The following MED27 variants were observed in gnomAD, a reference collection of about 807,000 sequenced individuals.
The protein encoded by MED27 is mediator of RNA polymerase II transcription subunit 27.
Under a neutral mutation model 38.2 loss-of-function variants are expected in MED27, and 30 were observed. The observed-to-expected ratio is 0.79, with a 90% CI of 0.59 to 1.07. The LOEUF (loss-of-function observed/expected upper bound fraction) is 1.07. Ranked by LOEUF, MED27 falls within the 50% of genes least tolerant of loss-of-function variation. The pLI is 0.00. For missense variants in MED27, 289 were observed against 397.5 expected (o/e 0.73, Z 2.32); for synonymous variants, 122 against 153.5 (o/e 0.79, Z 1.52).
intron 4 of MED27, among the ~76,000 whole-genome samples, chr9:131,928,958 G>A (rs186305840): frequency 6.6e-6 from 1 of 152,366 alleles, no homozygotes; most frequent in East Asian, 1.9e-4. Context: ...CAATGAAAGT[G>A]ACCCTTCCTT....
chr9:132,055,326 G>C (rs963599444), intron 2 of MED27, among the ~76,000 whole-genome samples: 2 of 152,184 alleles, frequency 1.3e-5, no homozygotes, highest in African/African-American at 4.8e-5. Flanking sequence ...TAAGGAACTG[G>C]AAATTCTTTT....
chr9:131,951,043 AG>A (rs894045362), intron 3 of MED27, among the ~76,000 whole-genome samples: 5 of 152,212 alleles, frequency 3.3e-5, no homozygotes, highest in Non-Finnish European at 1.5e-5. Flanking sequence ...TGGGTTATAA[AG>A]CAGGACTGAG....
intron 4 of MED27, among the ~76,000 whole-genome samples, chr9:131,907,838 G>A (rs970509660): frequency 7.4e-6 from 1 of 134,282 alleles, no homozygotes; most frequent in East Asian, 2.4e-4. Context: ...GCCGCCCATC[G>A]TCTGAGATGT....
intron 6 of MED27, among the ~76,000 whole-genome samples, chr9:131,867,164 G>A (rs1007374642): frequency 4.6e-5 from 7 of 152,244 alleles, no homozygotes; most frequent in African/African-American, 7.2e-5. Context: ...GGTCATGTGT[G>A]CAGACGGTGA....
chr9:131,896,714 CTA>C (rs575072898), intron 4 of MED27, among the ~76,000 whole-genome samples: 1 of 151,622 alleles, frequency 6.6e-6, no homozygotes, highest in East Asian at 1.9e-4. Context: ...TATAATGAAA[CTA>C]TATATATATA....
At chr9:132,061,236 G>C (rs565679222) in intron 2 of MED27, among the ~76,000 whole-genome samples, 2 of 152,304 alleles carry the variant, frequency 1.3e-5, no homozygotes, top group East Asian at 3.9e-4. Context: ...AGCTAAAAGG[G>C]CCAACGGTGC....
chr9:131,987,077 T>C (rs1831869106), intron 3 of MED27, among the ~76,000 whole-genome samples: 1 of 148,520 alleles, frequency 6.7e-6, no homozygotes, highest in South Asian at 2.2e-4. Flanking sequence ...ATAAAATTAT[T>C]GGGTCAAACT....
chr9:132,012,480 G>T (rs1040591012), intron 3 of MED27, among the ~76,000 whole-genome samples: 1 of 152,172 alleles, frequency 6.6e-6, no homozygotes, highest in Non-Finnish European at 1.5e-5. Flanking sequence ...TATCCTGGAA[G>T]CAAGTGTGAA....
chr9:131,898,427 C>T (rs1829870603), intron 4 of MED27, among the ~76,000 whole-genome samples: 2 of 152,150 alleles, frequency 1.3e-5, no homozygotes, highest in Admixed American at 1.3e-4. Flanking sequence ...GTTGACCAGG[C>T]TGGTCTCGAA....
chr9:131,972,055 T>C (rs1347380484), intron 3 of MED27, among the ~76,000 whole-genome samples: 1 of 152,246 alleles, frequency 6.6e-6, no homozygotes, highest in Non-Finnish European at 1.5e-5. Context: ...ACTTTCTGTT[T>C]GCCTCCCTCT....
intron 3 of MED27, among the ~76,000 whole-genome samples, chr9:131,987,411 T>A (rs1245307863): frequency 6.6e-6 from 1 of 152,038 alleles, no homozygotes; most frequent in East Asian, 1.9e-4. Flanking sequence ...AGCGGAGTCA[T>A]TTACTCAATG....
intron 3 of MED27, among the ~76,000 whole-genome samples, chr9:131,991,802 A>G (rs186135798): frequency 6.2e-4 from 95 of 152,146 alleles, no homozygotes; most frequent in African/African-American, 2.3e-3. Context: ...GCTCACTGCA[A>G]CCTCCACCTC....
intron 3 of MED27, among the ~76,000 whole-genome samples, chr9:131,972,400 T>C (rs1831499153): frequency 1.3e-5 from 2 of 152,184 alleles, no homozygotes; most frequent in South Asian, 2.1e-4. Flanking sequence ...GACAGACACA[T>C]GCAGTTGATG....
At chr9:131,988,312 A>G (rs1398289850) in intron 3 of MED27, among the ~76,000 whole-genome samples, 1 of 152,168 alleles carries the variant, frequency 6.6e-6, no homozygotes, top group Non-Finnish European at 1.5e-5. Context: ...GGCTCTTGCC[A>G]TTTGAAAAAA....
intron 5 of MED27, among the ~76,000 whole-genome samples, chr9:131,887,718 C>G (rs1398192806): frequency 1.3e-5 from 2 of 152,194 alleles, no homozygotes; most frequent in Non-Finnish European, 2.9e-5. Flanking sequence ...AACCTTCAAC[C>G]TGATGAACAA....
chr9:132,055,980 G>A (rs1350909318), intron 2 of MED27, among the ~76,000 whole-genome samples: 1 of 152,078 alleles, frequency 6.6e-6, no homozygotes, highest in African/African-American at 2.4e-5. Context: ...AGATTAATTC[G>A]CCCCCAGGAC....
chr9:131,931,577 T>C (rs754141589), intron 4 of MED27, among the ~76,000 whole-genome samples: 5 of 151,926 alleles, frequency 3.3e-5, no homozygotes, highest in Admixed American at 6.6e-5. Flanking sequence ...GCTGAATAGA[T>C]AAAAAAGCAA....
At position 131,997,430 on chromosome 9, in the gene MED27, G is replaced by A. The variant is rs1409631398; in HGVS notation, c.479+16907C>T. On this transcript the variant is annotated intron_variant, in intron 3 of 7. Coordinates refer to ENST00000292035, the MANE Select transcript of MED27 (RefSeq NM_004269.4). The surrounding 1 kb of genome is among the most constrained non-coding windows in gnomAD (Gnocchi z 4.0). ...CTGGAGCCACCTGCATATGGTGACT[G>A]AGTGAGGCAGGGGTACAAAGGCCCA... Among the ~76,000 whole-genome samples, 1 of 152,192 alleles carries A rather than the reference G, an allele frequency of 6.6e-6. No homozygotes were observed. The highest frequency in any genetic ancestry group is 2.4e-5 in the African/African-American group (1 of 41,442).
chr9:132,070,139 G>A (rs1399058065), intron 2 of MED27, among the ~76,000 whole-genome samples: 1 of 152,214 alleles, frequency 6.6e-6, no homozygotes, highest in African/African-American at 2.4e-5. Flanking sequence ...GGGAAAAGGG[G>A]GATAAGGATT....
Sources: allele counts gnomAD v4.1 joint callset (sites outside exome capture counted in the v4.1 genomes callset), GRCh38; gene constraint gnomAD v4.1.1; non-coding constraint Gnocchi (gnomAD v3.1); transcripts MANE v1.5; gene names NCBI Gene and HGNC (gene_info 2026-07-23, HGNC 2026-07-21).